GRIK2: variants seen among roughly 807,000 people sequenced by gnomAD.
GRIK2 encodes the protein glutamate ionotropic receptor kainate type subunit 2, also known as glutamate receptor ionotropic, kainate 2.
A neutral mutation model predicts 100.3 loss-of-function variants in GRIK2; 32 were observed. That is an observed-to-expected ratio of 0.32 (90% CI 0.24 to 0.43). The LOEUF is 0.43. Ranked by LOEUF, GRIK2 falls within the 20% of genes least tolerant of loss-of-function variation. GRIK2 has a pLI of 1.00. For missense variants in GRIK2, 843 were observed against 1,114.9 expected (o/e 0.76, Z 3.47); for synonymous variants, 417 against 389.4 (o/e 1.07, Z -0.83).
chr6:102,044,055 G>C (rs565335403), intron 15 of GRIK2, among the ~76,000 whole-genome samples: 1 of 151,762 alleles, frequency 6.6e-6, no homozygotes, highest in African/African-American at 2.4e-5. Flanking sequence ...ATGAAAATGG[G>C]CTCATACAGA....
chr6:101,911,358 A>G (rs1007860595), intron 12 of GRIK2, among the ~76,000 whole-genome samples: 12 of 151,602 alleles, frequency 7.9e-5, no homozygotes, highest in African/African-American at 2.9e-4. Flanking sequence ...TTTCATCAAT[A>G]GATTCTTGAT....
intron 2 of GRIK2, among the ~76,000 whole-genome samples, chr6:101,526,699 A>G (rs1775173336): frequency 6.6e-6 from 1 of 152,202 alleles, no homozygotes. Context: ...GGATATGATC[A>G]CCAGTCAAAA....
At chr6:101,854,322 C>T (rs1395769095) in intron 10 of GRIK2, among the ~76,000 whole-genome samples, 1 of 152,130 alleles carries the variant, frequency 6.6e-6, no homozygotes, top group African/African-American at 2.4e-5. Context: ...TGCAATGGCA[C>T]AATCTCGGCT....
intron 14 of GRIK2, among the ~76,000 whole-genome samples, chr6:101,944,147 T>G (rs1023092094): frequency 2.6e-5 from 4 of 152,160 alleles, no homozygotes; most frequent in Admixed American, 6.5e-5. Flanking sequence ...CCTGCTACCA[T>G]GTAAGGCATG....
At chr6:101,660,037 G>A (rs975151242) in intron 4 of GRIK2, among the ~76,000 whole-genome samples, 1 of 152,108 alleles carries the variant, frequency 6.6e-6, no homozygotes, top group African/African-American at 2.4e-5. Flanking sequence ...GGTTGGGGAA[G>A]TTCTCCTTGA....
chr6:101,437,241 A>G (rs1769774220), intron 2 of GRIK2, among the ~76,000 whole-genome samples: 1 of 152,078 alleles, frequency 6.6e-6, no homozygotes, highest in African/African-American at 2.4e-5. Context: ...TTTCACAAAC[A>G]GAATGAAAGG....
At chr6:101,519,300 C>CGTGTGTGTGTGTGT (rs55646921) in intron 2 of GRIK2, among the ~76,000 whole-genome samples, 23 of 140,986 alleles carry the variant, frequency 1.6e-4, no homozygotes, top group African/African-American at 5.9e-4. Flanking sequence ...CGGAGTTAAA[C>CGTGTGTGTGTGTGT]GTGTGTGTGT....
chr6:101,624,373 A>G (rs1038627267), intron 3 of GRIK2, among the ~76,000 whole-genome samples: 3 of 152,182 alleles, frequency 2.0e-5, no homozygotes, highest in Non-Finnish European at 2.9e-5. Flanking sequence ...GCCACCATTT[A>G]TACTAATTTA....
At chr6:101,971,508 C>T (rs976958824) in intron 14 of GRIK2, among the ~76,000 whole-genome samples, 2 of 151,944 alleles carry the variant, frequency 1.3e-5, no homozygotes, top group African/African-American at 2.4e-5. Context: ...AGGTTATTTT[C>T]TAAACATTTG....
intron 2 of GRIK2, among the ~76,000 whole-genome samples, chr6:101,618,911 ATT>A (rs567991260): frequency 2.3e-3 from 343 of 150,552 alleles, no homozygotes; most frequent in Middle Eastern, 0.011. Context: ...TTCATTCGTG[ATT>A]TTTATCTTAA....
At chr6:101,589,670 AT>A (rs1036481157) in intron 2 of GRIK2, among the ~76,000 whole-genome samples, 1 of 152,118 alleles carries the variant, frequency 6.6e-6, no homozygotes, top group African/African-American at 2.4e-5. Flanking sequence ...TGTTGAGAAC[AT>A]TTACACCTCA....
At chr6:101,745,531 T>A (rs1458301753) in intron 7 of GRIK2, among the ~76,000 whole-genome samples, 1 of 152,174 alleles carries the variant, frequency 6.6e-6, no homozygotes, top group African/African-American at 2.4e-5. Context: ...TTATATATAT[T>A]TTTTGAGAAA....
chr6:101,546,593 C>G (rs1464696619), intron 2 of GRIK2, among the ~76,000 whole-genome samples: 1 of 152,048 alleles, frequency 6.6e-6, no homozygotes, highest in African/African-American at 2.4e-5. Flanking sequence ...CAGAGGATAA[C>G]AATAGTTCTT....
chr6:101,729,481 T>C (rs757844218), intron 7 of GRIK2, among the ~76,000 whole-genome samples: 1 of 151,962 alleles, frequency 6.6e-6, no homozygotes, highest in African/African-American at 2.4e-5. Context: ...TATGAAATTA[T>C]AGAATATATT....
intron 2 of GRIK2, among the ~76,000 whole-genome samples, chr6:101,595,278 ACTGT>A (rs1033964154): frequency 4.0e-5 from 6 of 151,678 alleles, no homozygotes; most frequent in East Asian, 3.9e-4. Flanking sequence ...CAGTTAGCAA[ACTGT>A]CTGTGAAGGA....
At chr6:101,840,937 T>C (rs1303784197) in intron 10 of GRIK2, among the ~76,000 whole-genome samples, 2 of 152,250 alleles carry the variant, frequency 1.3e-5, no homozygotes, top group Non-Finnish European at 2.9e-5. Context: ...CATTTCATGT[T>C]ATATGAAGAA....
In GRIK2 at chr6:101,406,182, G is replaced by A. The variant is rs538158413; in HGVS notation, c.115+6790G>A. Among the ~76,000 whole-genome samples, 69 of 152,056 alleles carry A rather than the reference G, an allele frequency of 4.5e-4. No individual in the cohort carries two copies. The South Asian group carries it at 0.014, about 31-fold the overall frequency. On this transcript the variant is annotated intron_variant, in intron 2 of 16. Transcript: ENST00000369134. Reference sequence around the variant, plus strand: ...AAACTAATTTGTGGTAAAGTGAGTGGGGAGTTTAGAAAAGACTCTAAAAAC... The same window carrying A: ...AAACTAATTTGTGGTAAAGTGAGTGAGGAGTTTAGAAAAGACTCTAAAAAC...
At chr6:101,759,610 C>G (rs1390472534) in intron 7 of GRIK2, among the ~76,000 whole-genome samples, 1 of 152,092 alleles carries the variant, frequency 6.6e-6, no homozygotes, top group Non-Finnish European at 1.5e-5. Context: ...AGAACAGATT[C>G]AGCAATGGTC....
chr6:101,798,500 C>T (rs1252649026), intron 7 of GRIK2, among the ~76,000 whole-genome samples: 4 of 151,912 alleles, frequency 2.6e-5, no homozygotes, highest in Non-Finnish European at 2.9e-5. Context: ...ATTATGTTCT[C>T]TTATTGCATT....
Sources: gnomAD v4.1 joint callset for allele counts (sites outside exome capture counted in the v4.1 genomes callset) on GRCh38, gnomAD v4.1.1 for gene constraint, MANE v1.5 for transcripts, NCBI Gene and HGNC (gene_info 2026-07-23, HGNC 2026-07-21) for gene names.